DLC1: variants seen among roughly 807,000 people sequenced by gnomAD.
DLC1 encodes the protein DLC1 Rho GTPase activating protein.
Under a neutral mutation model 140.3 loss-of-function variants are expected in DLC1, and 54 were observed. The ratio of observed to expected loss-of-function variants is 0.38; its 90% CI spans 0.31 to 0.48. DLC1 has a LOEUF of 0.48. DLC1 is among the 20% of genes least tolerant of loss of function. The pLI is 0.96. For synonymous variants in DLC1, 986 were observed against 728.1 expected (o/e 1.35, Z -5.70); for missense variants, 2,536 against 1,907.0 (o/e 1.33, Z -6.14).
Position 13,090,627 on chromosome 8 carries a change from T to G in DLC1, c.3856-157A>C, listed in dbSNP as rs595003. On this transcript the variant is annotated intron_variant, in intron 14 of 17. Coordinates refer to ENST00000276297, the MANE Select transcript of DLC1 (RefSeq NM_182643.3). ...TGGGCTATCATGCTGACCGCACGTG[T>G]TATCACGAGGATATGAACAGATCAC... Among the ~76,000 whole-genome samples the G allele has an allele frequency of 0.19, 29,354 of 152,114 alleles. 5,886 individuals carry two copies. The highest frequency in any genetic ancestry group is 0.51 in the African/African-American group (21,087 of 41,414).
At chr8:13,228,080 C>T (rs919959358) in intron 5 of DLC1, among the ~76,000 whole-genome samples, 3 of 152,112 alleles carry the variant, frequency 2.0e-5, no homozygotes, top group Admixed American at 6.5e-5. Context: ...TCAGGGTATC[C>T]TGTAAACTGT....
intron 5 of DLC1, among the ~76,000 whole-genome samples, chr8:13,265,322 C>T (rs984272134): frequency 2.0e-5 from 3 of 152,076 alleles, no homozygotes; most frequent in Admixed American, 1.3e-4. Context: ...CAATATCTTA[C>T]TTTAAATAAA....
At chr8:13,091,030 A>G (rs780720305) in intron 14 of DLC1, among the ~76,000 whole-genome samples, 23 of 151,364 alleles carry the variant, frequency 1.5e-4, no homozygotes, top group Non-Finnish European at 3.1e-4. Context: ...TTGGTCTTGA[A>G]CTCCGGAGCT....
intron 2 of DLC1, among the ~76,000 whole-genome samples, chr8:13,450,316 A>T (rs1267705102): frequency 1.3e-5 from 2 of 151,628 alleles, no homozygotes; most frequent in South Asian, 4.2e-4. Context: ...TTAGCTGGGC[A>T]TGGTGGCGGG....
rs200865536 is a variant in DLC1 at position 13,270,667 on chromosome 8, A to T, written c.1348+34602T>A. 3.9e-5 allele frequency among the ~76,000 whole-genome samples: 6 copies of T among 152,278 alleles called. No individual in the cohort carries two copies. In the East Asian group the frequency reaches 9.7e-4, roughly 24 times the overall value. Reference sequence around the variant, plus strand: ...TCAGCACAAAAGTCACCTCCAGTAGATCCTTCTTTGTTTCTCTCCAGAGAT... The same window carrying T: ...TCAGCACAAAAGTCACCTCCAGTAGTTCCTTCTTTGTTTCTCTCCAGAGAT... On this transcript the variant is annotated intron_variant, in intron 5 of 17. Transcript: ENST00000276297.
chr8:13,381,430 G>A (rs747867255), intron 4 of DLC1, among the ~76,000 whole-genome samples: 4 of 152,174 alleles, frequency 2.6e-5, no homozygotes, highest in Non-Finnish European at 4.4e-5. Flanking sequence ...TGGTAGATAT[G>A]TCTGGTAGAG....
intron 7 of DLC1, among the ~76,000 whole-genome samples, chr8:13,107,002 C>A (rs1819619795): frequency 6.6e-6 from 1 of 152,198 alleles, no homozygotes; most frequent in African/African-American, 2.4e-5. Flanking sequence ...TCCAGGATTA[C>A]CATTGAGTAT....
chr8:13,132,424 A>G (rs1822181773), intron 5 of DLC1, among the ~76,000 whole-genome samples: 2 of 152,068 alleles, frequency 1.3e-5, no homozygotes. Context: ...ACTTTCAGGC[A>G]GTGATGAAAA....
At chr8:13,109,001 T>C (rs1355191214) in intron 7 of DLC1, among the ~76,000 whole-genome samples, 1 of 152,230 alleles carries the variant, frequency 6.6e-6, no homozygotes. Flanking sequence ...AGTCATTTAA[T>C]TGGACTACAA....
chr8:13,214,586 A>T, intron 5 of DLC1: 2 of 536,144 alleles, frequency 3.7e-6, no homozygotes, highest in Non-Finnish European at 3.4e-6. Flanking sequence ...TGGCTGCCCG[A>T]GGAAATTGGA....
intron 4 of DLC1, among the ~76,000 whole-genome samples, chr8:13,343,204 G>A (rs1483034482): frequency 6.6e-6 from 1 of 152,192 alleles, no homozygotes; most frequent in East Asian, 1.9e-4. Context: ...TTGAGTCAGA[G>A]ATTGGGTCAT....
intron 1 of DLC1, chr8:13,567,224 A>G (rs1413478660): frequency 3.2e-6 from 5 of 1,551,638 alleles, no homozygotes; most frequent in Non-Finnish European, 3.5e-6. Context: ...GACTATAAAA[A>G]TTATGAAAAG....
At chr8:13,437,826 A>T (rs1839190944) in intron 2 of DLC1, among the ~76,000 whole-genome samples, 1 of 152,154 alleles carries the variant, frequency 6.6e-6, no homozygotes, top group African/African-American at 2.4e-5. Flanking sequence ...TAACAGAATC[A>T]AGAGGCTGCT....
intron 5 of DLC1, among the ~76,000 whole-genome samples, chr8:13,140,793 C>T (rs997016111): frequency 6.6e-6 from 1 of 152,052 alleles, no homozygotes; most frequent in Non-Finnish European, 1.5e-5. Context: ...CCCAGAAAGG[C>T]GAAGACACAA....
chr8:13,113,218 A>G (rs1362284120), intron 6 of DLC1, among the ~76,000 whole-genome samples: 2 of 152,244 alleles, frequency 1.3e-5, no homozygotes, highest in Admixed American at 6.5e-5. Flanking sequence ...TCTGAACTCA[A>G]CTTCCACTGT....
intron 5 of DLC1, among the ~76,000 whole-genome samples, chr8:13,194,579 CG>C (rs1166082839): frequency 4.6e-5 from 7 of 152,178 alleles, no homozygotes; most frequent in African/African-American, 1.7e-4. Context: ...AAGAAAGCCA[CG>C]GGCAGAGGCC....
At chr8:13,201,945 G>C (rs1827407559) in intron 5 of DLC1, among the ~76,000 whole-genome samples, 1 of 81,972 alleles carries the variant, frequency 1.2e-5, no homozygotes, top group Non-Finnish European at 2.3e-5. Context: ...TTTTTTTTTG[G>C]TTGGTTCGTT....
intron 1 of DLC1, among the ~76,000 whole-genome samples, chr8:13,575,600 A>T (rs931554053): frequency 3.9e-5 from 6 of 152,238 alleles, no homozygotes; most frequent in African/African-American, 1.4e-4. Flanking sequence ...TAAAAAAAAA[A>T]TGCAGTCCTA....
chr8:13,480,209 T>C (rs144363523), intron 2 of DLC1, among the ~76,000 whole-genome samples: 192 of 152,288 alleles, frequency 1.3e-3, no homozygotes, highest in African/African-American at 3.9e-3. Context: ...GACAGTTAAA[T>C]ATGTTTGATT....
Sources: gnomAD v4.1 joint callset for allele counts (sites outside exome capture counted in the v4.1 genomes callset) on GRCh38, gnomAD v4.1.1 for gene constraint, MANE v1.5 for transcripts, NCBI Gene and HGNC (gene_info 2026-07-23, HGNC 2026-07-21) for gene names.